The following TMEM108 variants were observed in gnomAD, a reference collection of about 807,000 sequenced individuals.
The protein encoded by TMEM108 is cancer/testis antigen 124.
A neutral mutation model predicts 35.1 loss-of-function variants in TMEM108; 12 were observed. The ratio of observed to expected loss-of-function variants is 0.34; its 90% confidence interval spans 0.22 to 0.55. TMEM108 has a LOEUF of 0.55. Among genes scored for constraint, TMEM108 ranks in the 20% least tolerant of loss-of-function variants. The probability of loss-of-function intolerance (pLI) is 0.89; values close to 1 mark genes in which losing one functional copy is unlikely to be tolerated. For synonymous variants in TMEM108, 287 were observed against 308.6 expected, an observed-to-expected ratio of 0.93 and a Z score of 0.73; for missense variants, 680 against 753.3, an observed-to-expected ratio of 0.90 and a Z score of 1.14.
intron 3 of TMEM108, among the ~76,000 whole-genome samples, chr3:133,263,703 A>G (rs1946656949): frequency 6.6e-6 from 1 of 152,228 alleles, no homozygotes; most frequent in South Asian, 2.1e-4. Context: ...TCCCAAAACT[A>G]TGTAATCAAA....
In TMEM108 at chr3:133,397,341, G is replaced by T. The variant is rs1232997273; in HGVS notation, c.*1355G>T. ...AACTTGAATATTGGGTCATATGTTT[G>T]TGTTGTTGCTGTAGTCTATCATGAC... On this transcript the variant is annotated 3_prime_UTR_variant, in exon 6 of 6. Transcript: ENST00000321871. 11 of 151,288 alleles carry T rather than the reference G, an allele frequency of 7.3e-5. No homozygotes were observed. Among genetic ancestry groups the T allele is most frequent in the Admixed American group, 7.2e-4 (11 of 15,186 alleles). 9.4% of individuals were successfully genotyped at this position (151,288 alleles called of 1,614,324 possible). A position where few individuals can be genotyped will look rare whatever the true frequency, so the allele number is the denominator to read the frequency against.
chr3:133,376,075 T>C (rs916409947), intron 3 of TMEM108, among the ~76,000 whole-genome samples: 1 of 152,224 alleles, frequency 6.6e-6, no homozygotes, highest in Non-Finnish European at 1.5e-5. Context: ...TGCTGATAGC[T>C]GAGTGGGGGA....
rs979910213 is a variant in TMEM108, at chr3:133,386,468, C to A, written c.1451-3712C>A. ...GCATGCCCTTCCACAAATGTGAATACAGTACTCAGGGCTCCATCTGAAAAT... is the reference window on the plus strand; with the variant it reads ...GCATGCCCTTCCACAAATGTGAATAAAGTACTCAGGGCTCCATCTGAAAAT... On this transcript the variant is annotated intron_variant, in intron 4 of 5. Coordinates refer to ENST00000321871, the MANE Select transcript of TMEM108 (RefSeq NM_023943.4). 4 of 1,535,968 alleles carry A rather than the reference C, an allele frequency of 2.6e-6. No individual in the cohort carries two copies. In the African/African-American group the frequency reaches 4.1e-5, roughly 16 times the overall value.
At chr3:133,101,373 G>T (rs940861630) in intron 2 of TMEM108, among the ~76,000 whole-genome samples, 2 of 152,130 alleles carry the variant, frequency 1.3e-5, no homozygotes, top group Non-Finnish European at 2.9e-5. Flanking sequence ...ACAGCCTCTA[G>T]CCTTGACTCT....
At chr3:133,225,718 C>A (rs765816766) in intron 2 of TMEM108, among the ~76,000 whole-genome samples, 1 of 150,732 alleles carries the variant, frequency 6.6e-6, no homozygotes, top group Non-Finnish European at 1.5e-5. Context: ...TCTCAAGTAA[C>A]AAGTCTTTTT....
intron 2 of TMEM108, among the ~76,000 whole-genome samples, chr3:133,056,509 C>G (rs1398417389): frequency 6.6e-6 from 1 of 152,160 alleles, no homozygotes; most frequent in Non-Finnish European, 1.5e-5. Context: ...ACTTAGGGAA[C>G]TGTCCTGCCC....
chr3:133,155,034 G>T lies in TMEM108; in HGVS notation c.-46-74232G>T, dbSNP rs116339962. ...CCACTTTCCTCTCAAGTAGTCCCCAGTGTCTGTTGTTCCCCTCTTTGTGTC... is the reference window on the plus strand; with the variant it reads ...CCACTTTCCTCTCAAGTAGTCCCCATTGTCTGTTGTTCCCCTCTTTGTGTC... On this transcript the variant is annotated intron_variant, in intron 2 of 5. Coordinates refer to ENST00000321871, the MANE Select transcript of TMEM108 (RefSeq NM_023943.4). Among the ~76,000 whole-genome samples the T allele has an allele frequency of 9.0e-3, 1,367 of 152,132 alleles. 22 individuals carry two copies. The highest frequency in any genetic ancestry group is 0.031 in the African/African-American group (1,304 of 41,514).
At chr3:133,355,963 G>A (rs1461721595) in intron 3 of TMEM108, among the ~76,000 whole-genome samples, 1 of 152,050 alleles carries the variant, frequency 6.6e-6, no homozygotes, top group African/African-American at 2.4e-5. Flanking sequence ...GAACTAGGAA[G>A]TCCTACCCAC....
chr3:133,225,785 G>A (rs1390653194), intron 2 of TMEM108, among the ~76,000 whole-genome samples: 1 of 152,116 alleles, frequency 6.6e-6, no homozygotes, highest in Non-Finnish European at 1.5e-5. Context: ...AACACTTATT[G>A]TTCTAGTTGA....
intron 2 of TMEM108, among the ~76,000 whole-genome samples, chr3:133,076,760 G>T (rs993348518): frequency 6.6e-6 from 1 of 152,242 alleles, no homozygotes; most frequent in African/African-American, 2.4e-5. Context: ...ATGTAGGAAG[G>T]CTTTGGCAAT....
intron 3 of TMEM108, among the ~76,000 whole-genome samples, chr3:133,362,067 C>T (rs936738834): frequency 2.6e-5 from 4 of 152,130 alleles, no homozygotes; most frequent in Non-Finnish European, 5.9e-5. Context: ...GCCAGTAAAC[C>T]TGATGCACCT....
At chr3:133,069,810 C>T (rs915956453) in intron 2 of TMEM108, among the ~76,000 whole-genome samples, 1 of 152,170 alleles carries the variant, frequency 6.6e-6, no homozygotes, top group Non-Finnish European at 1.5e-5. Context: ...ATAATTGACT[C>T]ACCTCACTCT....
intron 3 of TMEM108, among the ~76,000 whole-genome samples, chr3:133,348,700 C>T (rs1559918194): frequency 1.3e-5 from 2 of 152,060 alleles, no homozygotes; most frequent in Admixed American, 1.3e-4. Context: ...CCCTTTGGCT[C>T]AGTGAGATTT....
intron 2 of TMEM108, among the ~76,000 whole-genome samples, chr3:133,109,110 A>G (rs1239596130): frequency 2.0e-5 from 3 of 152,104 alleles, no homozygotes; most frequent in Admixed American, 2.0e-4. Context: ...TGGTAGAATG[A>G]TACGGTGGAA....
At chr3:133,258,963 A>T (rs1402571273) in intron 3 of TMEM108, among the ~76,000 whole-genome samples, 1 of 152,246 alleles carries the variant, frequency 6.6e-6, no homozygotes, top group Non-Finnish European at 1.5e-5. Context: ...TAGTATTTGC[A>T]GGCCCATATG....
At chr3:133,176,969 A>T (rs1945241321) in intron 2 of TMEM108, among the ~76,000 whole-genome samples, 1 of 152,248 alleles carries the variant, frequency 6.6e-6, no homozygotes, top group Non-Finnish European at 1.5e-5. Context: ...CACAATAAAA[A>T]ATGATGAAGG....
intron 2 of TMEM108, among the ~76,000 whole-genome samples, chr3:133,065,293 C>CAA (rs1202885329): frequency 1.3e-5 from 2 of 151,972 alleles, no homozygotes; most frequent in Non-Finnish European, 2.9e-5. Flanking sequence ...GCCACACACA[C>CAA]ACACACACAC....
At chr3:133,225,248 G>C (rs772243440) in intron 2 of TMEM108, among the ~76,000 whole-genome samples, 1 of 151,902 alleles carries the variant, frequency 6.6e-6, no homozygotes, top group East Asian at 1.9e-4. Flanking sequence ...GGGTTTCATC[G>C]TGTTAGCCAG....
At chr3:133,374,542 T>TTATATATATATATATATATATA (rs10580755) in intron 3 of TMEM108, among the ~76,000 whole-genome samples, 2 of 145,784 alleles carry the variant, frequency 1.4e-5, no homozygotes, top group African/African-American at 5.1e-5. Flanking sequence ...ATAATTTTTG[T>TTATATATATATATATATATATA]TATATATATA....
Sources: gnomAD v4.1 joint callset for allele counts (sites outside exome capture counted in the v4.1 genomes callset) on GRCh38, gnomAD v4.1.1 for gene constraint, MANE v1.5 for transcripts, NCBI Gene and HGNC (gene_info 2026-07-23, HGNC 2026-07-21) for gene names.